Variants in PPP6R3 observed in about 807,000 individuals in gnomAD.
PPP6R3 encodes serine/threonine-protein phosphatase 6 regulatory subunit 3.
In PPP6R3, 38 loss-of-function variants were observed where a neutral mutation model predicts 110.7. The observed-to-expected ratio is 0.34, with a 90% confidence interval of 0.26 to 0.45. The LOEUF (loss-of-function observed/expected upper bound fraction) is 0.45, where lower values mean the gene tolerates loss of function less well. Ranked by LOEUF, PPP6R3 falls within the 20% of genes least tolerant of loss-of-function variation. PPP6R3 has a pLI of 1.00. For synonymous variants in PPP6R3, 369 were observed against 373.5 expected (o/e 0.99, Z 0.14); for missense variants, 870 against 1,062.4 (o/e 0.82, Z 2.52).
At position 68,554,252 on chromosome 11, in the gene PPP6R3, A is replaced by G. The variant is rs760325323; in HGVS notation, c.726A>G (p.Leu242=). 6.2e-7 allele frequency: 1 copy of G among 1,605,282 alleles called. No individual in the cohort carries two copies. The highest frequency in any genetic ancestry group is 2.2e-5 in the East Asian group (1 of 44,790). ...STEPDPLLAT[L]EKQEIIEQLL... ...AGCCCGACCCCCTGCTTGCCACTCT[A>G]GAAAAGTATGTGTAAAACTCTGTTC... is the stretch of plus-strand genomic sequence containing the variant. Residue 242 remains leucine (L), a synonymous_variant, in exon 7 of 24, where the codon CTA becomes CTG. Transcript: ENST00000393800.
chr11:68,522,517 G>A (rs2099169029), intron 2 of PPP6R3: 1 of 152,194 alleles, frequency 6.6e-6, no homozygotes, highest in Non-Finnish European at 1.5e-5. Flanking sequence ...TTTGCCCTGT[G>A]CTCAGAAGAT....
chr11:68,491,360 G>A (rs1356130826), intron 1 of PPP6R3, among the ~76,000 whole-genome samples: 3 of 150,712 alleles, frequency 2.0e-5, no homozygotes, highest in Non-Finnish European at 4.4e-5. Context: ...GTGTGTGTGT[G>A]TGTGTGTGTG....
intron 1 of PPP6R3, among the ~76,000 whole-genome samples, chr11:68,468,999 T>A (rs1250698662): frequency 6.6e-6 from 1 of 152,218 alleles, no homozygotes; most frequent in Non-Finnish European, 1.5e-5. Context: ...AACAGATGAT[T>A]GGATCTTTTT....
chr11:68,526,204 G>C (rs1565608014), intron 2 of PPP6R3, among the ~76,000 whole-genome samples: 1 of 152,010 alleles, frequency 6.6e-6, no homozygotes. Flanking sequence ...CTTCAGATGG[G>C]AAACCTTTCT....
intron 2 of PPP6R3, among the ~76,000 whole-genome samples, chr11:68,527,386 G>A (rs1476751535): frequency 6.6e-6 from 1 of 152,180 alleles, no homozygotes; most frequent in Non-Finnish European, 1.5e-5. Flanking sequence ...AGACTCCAGT[G>A]TCTGTCTTAG....
intron 2 of PPP6R3, among the ~76,000 whole-genome samples, chr11:68,530,475 G>C (rs1207878098): frequency 1.3e-5 from 2 of 152,142 alleles, no homozygotes; most frequent in African/African-American, 2.4e-5. Flanking sequence ...CTCCTATTTT[G>C]TTCTGTTTGT....
Position 68,609,960 on chromosome 11 carries a change from G to C in PPP6R3, c.2507G>C (p.Cys836Ser). 6.2e-7 allele frequency: 1 copy of C among 1,614,198 alleles called. No individual in the cohort carries two copies. ...QDAACKDAEECPETAEAKCAA... is the reference protein window; with the variant it reads ...QDAACKDAEESPETAEAKCAA... ...GCTGCTTGTAAAGACGCAGAGGAGT[G>C]TCCCGAGACTGCAGAGGCGAAGTGC... Residue 836 changes from cysteine to serine, a missense_variant, in exon 23 of 24, where the codon TGT becomes TCT. By Grantham distance (112) the Cys-to-Ser change is moderately radical. Transcript: ENST00000393800.
At chr11:68,514,242 T>A (rs1024873635) in intron 1 of PPP6R3, among the ~76,000 whole-genome samples, 1 of 148,254 alleles carries the variant, frequency 6.7e-6, no homozygotes, top group African/African-American at 2.5e-5. Flanking sequence ...TGAAAAAAAC[T>A]TTTTTTTTTG....
intron 12 of PPP6R3, 157 bp downstream of exon 12, chr11:68,571,261 GT>G: frequency 9.2e-7 from 1 of 1,082,372 alleles, no homozygotes; most frequent in Non-Finnish European, 1.2e-6. Context: ...TGTAACAGTT[GT>G]TTTTATAATA....
At chr11:68,478,848 G>C (rs1330221316) in intron 1 of PPP6R3, among the ~76,000 whole-genome samples, 1 of 151,460 alleles carries the variant, frequency 6.6e-6, no homozygotes. Flanking sequence ...AGTAGAGAGG[G>C]GGTTTCACCA....
At chr11:68,613,032 C>T (rs751754738) in intron 23 of PPP6R3, 34 bp from the exon 24 acceptor site, 2 of 1,614,090 alleles carry the variant, frequency 1.2e-6, no homozygotes, top group East Asian at 2.2e-5. Flanking sequence ...ATTTCTGCTG[C>T]AAGTGCCTCC....
intron 22 of PPP6R3, among the ~76,000 whole-genome samples, chr11:68,606,297 C>CCCTCCTT (rs888219099): frequency 2.0e-5 from 3 of 151,480 alleles, no homozygotes; most frequent in Non-Finnish European, 2.9e-5. Context: ...TCTTCCTCCT[C>CCCTCCTT]CCTCCTTCCT....
intron 1 of PPP6R3, among the ~76,000 whole-genome samples, chr11:68,484,895 A>G (rs1012242864): frequency 6.6e-6 from 1 of 152,078 alleles, no homozygotes; most frequent in Non-Finnish European, 1.5e-5. Flanking sequence ...CCTTCTTTAT[A>G]TATTTTTGGA....
chr11:68,551,265 T>C (rs144746052), intron 6 of PPP6R3, 79 bp downstream of exon 6: 100 of 1,065,112 alleles, frequency 9.4e-5, no homozygotes, highest in Middle Eastern at 2.1e-4. Context: ...AGCATACTTA[T>C]ATTAAATGTG....
chr11:68,572,732 C>T (rs2099512416), intron 12 of PPP6R3, among the ~76,000 whole-genome samples: 1 of 152,026 alleles, frequency 6.6e-6, no homozygotes, highest in South Asian at 2.1e-4. Context: ...GTCCCAGCTA[C>T]TCAAGAGGCC....
intron 3 of PPP6R3, among the ~76,000 whole-genome samples, chr11:68,544,422 G>A (rs971193802): frequency 6.6e-6 from 1 of 152,210 alleles, no homozygotes; most frequent in Non-Finnish European, 1.5e-5. Flanking sequence ...TGCATGCAGT[G>A]CAGTTTCCTG....
chr11:68,512,897 T>C (rs534723686), intron 1 of PPP6R3, among the ~76,000 whole-genome samples: 3 of 152,186 alleles, frequency 2.0e-5, no homozygotes, highest in Non-Finnish European at 4.4e-5. Context: ...TATTTTGTAA[T>C]TGATAATACC....
intron 12 of PPP6R3, among the ~76,000 whole-genome samples, chr11:68,572,469 G>A (rs1395280797): frequency 6.6e-6 from 1 of 152,158 alleles, no homozygotes; most frequent in African/African-American, 2.4e-5. Context: ...TTGAGGGTGT[G>A]CAGAAGAGTG....
intron 15 of PPP6R3, among the ~76,000 whole-genome samples, chr11:68,585,877 A>G (rs1298572197): frequency 1.3e-5 from 2 of 152,182 alleles, no homozygotes; most frequent in African/African-American, 2.4e-5. Flanking sequence ...TTTGCATTCT[A>G]TTTTTGAAGC....
Sources: allele counts gnomAD v4.1 joint callset (sites outside exome capture counted in the v4.1 genomes callset), GRCh38; gene constraint gnomAD v4.1.1; transcripts MANE v1.5; gene names NCBI Gene and HGNC (gene_info 2026-07-23, HGNC 2026-07-21).